The following SCAF4 variants were observed in gnomAD, a reference collection of about 807,000 sequenced individuals.
SCAF4 encodes the protein SR-related CTD associated factor 4.
In SCAF4, 25 loss-of-function variants were observed where a neutral mutation model predicts 129.8. That is an observed-to-expected ratio of 0.19 (90% CI 0.14 to 0.27). The LOEUF is 0.27. Ranked by LOEUF, SCAF4 falls within the 10% of genes least tolerant of loss-of-function variation. SCAF4 has a pLI of 1.00. For synonymous variants in SCAF4, 551 were observed against 497.7 expected (o/e 1.11, Z -1.43); for missense variants, 1,246 against 1,457.1 (o/e 0.86, Z 2.36).
intron 19 of SCAF4, among the ~76,000 whole-genome samples, chr21:31,672,805 T>G (rs1221335228): frequency 6.6e-6 from 1 of 152,172 alleles, no homozygotes; most frequent in Non-Finnish European, 1.5e-5. Flanking sequence ...TAGAAAAAAA[T>G]GAGGTCACTG....
Position 31,685,126 on chromosome 21 carries a change from A to G in SCAF4, c.2411T>C (p.Met804Thr), listed in dbSNP as rs148855069. The G allele has an allele frequency of 1.3e-5, 21 of 1,613,096 alleles. No homozygotes were observed. In the African/African-American group the frequency reaches 2.7e-4, roughly 21 times the overall value. ...AGCAGGTGGCACGGCAGAGCCATAC[A>G]TTTTCACGCTGTCACCAGACTCGGC... Reference protein sequence around the residue: ...GNAESGDSVKMYGSAVPPAAP... With the variant: ...GNAESGDSVKTYGSAVPPAAP... The change falls in exon 19 of 20, where the codon ATG becomes ACG. Residue 804 changes from methionine to threonine, a missense_variant. Physicochemically the swap from Met to Thr is moderately conservative, Grantham distance 81. Transcript: ENST00000286835.
At chr21:31,708,679 T>TCCAA (rs2050727103) in intron 1 of SCAF4, among the ~76,000 whole-genome samples, 1 of 152,194 alleles carries the variant, frequency 6.6e-6, no homozygotes, top group East Asian at 1.9e-4. Flanking sequence ...CATTTAATTC[T>TCCAA]TGGGTTGTCT....
At chr21:31,686,525 T>C (rs933697756) in intron 16 of SCAF4, among the ~76,000 whole-genome samples, 1 of 152,092 alleles carries the variant, frequency 6.6e-6, no homozygotes, top group Admixed American at 6.5e-5. Flanking sequence ...CACATAATTA[T>C]GCAGATTAAA....
rs969259334 is a variant in SCAF4, at chr21:31,690,842, T to C, written c.1840A>G (p.Ser614Gly). The change falls in exon 15 of 20, where the codon AGT becomes GGT. Residue 614 changes from serine to glycine, a missense_variant. By Grantham distance (56) the Ser-to-Gly change is moderately conservative. Transcript: ENST00000286835. ...TCCAACATTCCTCCTTCACAAAAAC[T>C]CTCCAGTTCCTCAGGCTTGACTTTG... ...WDKVKPEELE[S>G]FCEGGMLDSD... 1.9e-6 allele frequency: 3 copies of C among 1,613,744 alleles called. No homozygotes were observed. The highest frequency in any genetic ancestry group is 3.3e-5 in the Admixed American group (2 of 59,964).
At position 31,671,586 on chromosome 21, in the gene SCAF4, C is replaced by T. The variant is rs757555139; in HGVS notation, c.3257G>A (p.Arg1086Lys). 3.1e-6 allele frequency: 5 copies of T among 1,614,112 alleles called. No homozygotes were observed. The Admixed American group carries it at 8.3e-5, about 27-fold the overall frequency. ...TTCAACGGTTTTGTTACCACCTGCC[C>T]TGTCTGTCACCTCAGGCTTTTCCTT... ...RGKEKPEVTD[R>K]AGGNKTVEPP... Residue 1086 changes from arginine (R) to lysine (K), a missense_variant, in exon 20 of 20, where the codon AGG (arginine) becomes AAG (lysine). Physicochemically the swap from Arg to Lys is conservative, Grantham distance 26 (BLOSUM62 2). Transcript: ENST00000286835.
At chr21:31,681,323 A>G (rs955437881) in intron 19 of SCAF4, among the ~76,000 whole-genome samples, 2 of 152,210 alleles carry the variant, frequency 1.3e-5, no homozygotes, top group Admixed American at 6.5e-5. Flanking sequence ...GATATTTTGG[A>G]TATACTGGTA....
rs1568816383 is a variant in SCAF4, at chr21:31,671,917, TTGG to T, written c.2923_2925del (p.Pro975del). On this transcript the variant is annotated inframe_deletion, in exon 20 of 20. Transcript: ENST00000286835. ...CTAAACTGCTGTGGCTGCTGCTGTG[TTGG>T]TGGAGGCTGTTGTGATGGTGGTGGC... 1 of 1,612,746 alleles carries T rather than the reference TTGG, an allele frequency of 6.2e-7. No individual in the cohort carries two copies. Among genetic ancestry groups the T allele is most frequent in the Admixed American group, 1.7e-5 (1 of 59,954 alleles).
intron 1 of SCAF4, among the ~76,000 whole-genome samples, chr21:31,724,524 TTATG>T (rs2051152730): frequency 6.6e-6 from 1 of 152,232 alleles, no homozygotes; most frequent in South Asian, 2.1e-4. Flanking sequence ...TCAACAAATG[TTATG>T]AATAACACTA....
In SCAF4 at chr21:31,696,660, G is replaced by C. The variant is rs1054636147; in HGVS notation, c.868C>G (p.Pro290Ala). ...GGTGCAGGGGGTACTGCGGCAGCAG[G>C]TGCTGTCGTGGTGACGGCAGTGGTA... is the stretch of plus-strand genomic sequence containing the variant. ...EDTTAVTTTA[P>A]AAAVPPAPTA... The change falls in exon 8 of 20, where the codon CCT becomes GCT. Residue 290 changes from proline (P) to alanine (A), a missense_variant. Coordinates refer to ENST00000286835, the MANE Select transcript of SCAF4 (RefSeq NM_020706.2). The C allele has an allele frequency of 2.5e-6, 4 of 1,614,002 alleles. No homozygotes were observed. The highest frequency in any genetic ancestry group is 2.5e-6 in the Non-Finnish European group (3 of 1,179,874).
At chr21:31,719,066 A>G (rs557161160) in intron 1 of SCAF4, among the ~76,000 whole-genome samples, 1 of 152,270 alleles carries the variant, frequency 6.6e-6, no homozygotes, top group East Asian at 1.9e-4. Flanking sequence ...CGAGGTAGAC[A>G]GATCGCCTGA....
chr21:31,721,716 A>T (rs1360844936), intron 1 of SCAF4, among the ~76,000 whole-genome samples: 1 of 151,130 alleles, frequency 6.6e-6, no homozygotes, highest in East Asian at 2.0e-4. Context: ...ACATCAAGCA[A>T]GAGCAATTCT....
chr21:31,690,377 C>T (rs557079397), intron 15 of SCAF4, among the ~76,000 whole-genome samples: 1 of 151,752 alleles, frequency 6.6e-6, no homozygotes, highest in South Asian at 2.1e-4. Flanking sequence ...CCCAGCTACT[C>T]GGGAGACTGA....
chr21:31,718,421 T>C (rs1409436056), intron 1 of SCAF4, among the ~76,000 whole-genome samples: 1 of 152,202 alleles, frequency 6.6e-6, no homozygotes, highest in Non-Finnish European at 1.5e-5. Context: ...AAATCTGGCA[T>C]TGTCAATATG....
At position 31,725,913 on chromosome 21, in the gene SCAF4, CAT is replaced by C. The variant is rs921957120; in HGVS notation, c.30+5748_30+5749del. Among the ~76,000 whole-genome samples the C allele has an allele frequency of 7.2e-5, 11 of 152,162 alleles. No homozygotes were observed. The South Asian group carries it at 1.5e-3, about 20-fold the overall frequency. ...TCATTAAAAATGTTATTTATATTAA[CAT>C]ATTGTAATAAGTTTATTGTTATTTT... On this transcript the variant is annotated intron_variant, in intron 1 of 19. Transcript: ENST00000286835.
At chr21:31,715,316 T>C (rs901180433) in intron 1 of SCAF4, among the ~76,000 whole-genome samples, 5 of 152,142 alleles carry the variant, frequency 3.3e-5, no homozygotes, top group African/African-American at 1.2e-4. Flanking sequence ...AGGACCCTTA[T>C]GATTACACCG....
chr21:31,699,417 C>CA (rs1555848288), intron 7 of SCAF4, among the ~76,000 whole-genome samples: 2 of 151,038 alleles, frequency 1.3e-5, no homozygotes, highest in Non-Finnish European at 2.9e-5. Context: ...TGCATGCAAA[C>CA]AAGAGTGCAA....
At chr21:31,730,231 A>C (rs1485261115) in intron 1 of SCAF4, among the ~76,000 whole-genome samples, 1 of 152,224 alleles carries the variant, frequency 6.6e-6, no homozygotes, top group Admixed American at 6.5e-5. Context: ...TCAGAAAACA[A>C]TCAGCTTCCA....
chr21:31,686,526 G>A (rs1320095721), intron 16 of SCAF4, among the ~76,000 whole-genome samples: 2 of 151,976 alleles, frequency 1.3e-5, no homozygotes, highest in African/African-American at 4.8e-5. Context: ...ACATAATTAT[G>A]CAGATTAAAT....
chr21:31,672,065 G>T lies in SCAF4; in HGVS notation c.2778C>A (p.Gly926=). ...VRPGGMPGLG[G]PGPGPGGPED... ...CAGGACCCCCTGGGCCTGGCCCTGG[G>T]CCCCCGAGCCCTGGCATTCCACCAG... Residue 926 remains glycine, a synonymous_variant, in exon 20 of 20, where the codon GGC becomes GGA. Coordinates refer to ENST00000286835, the MANE Select transcript of SCAF4 (RefSeq NM_020706.2). 1 of 1,613,266 alleles carries T rather than the reference G, an allele frequency of 6.2e-7. No individual in the cohort carries two copies.
Sources: gnomAD v4.1 joint callset for allele counts (sites outside exome capture counted in the v4.1 genomes callset) on GRCh38, gnomAD v4.1.1 for gene constraint, MANE v1.5 for transcripts, NCBI Gene and HGNC (gene_info 2026-07-23, HGNC 2026-07-21) for gene names.